The following IQANK1 variants were observed in gnomAD, a reference collection of about 807,000 sequenced individuals.
IQANK1 encodes IQ motif and ankyrin repeat containing 1, also known as IQ motif and ankyrin repeat domain-containing protein 1.
In IQANK1, 30 loss-of-function variants were observed where a neutral mutation model predicts 22.6. The observed-to-expected ratio is 1.33, with a 90% CI of 0.99 to 1.80. IQANK1 has a LOEUF of 1.80. IQANK1 is among the 40% of genes most tolerant of loss of function. The probability of loss-of-function intolerance (pLI) is 0.00; values close to 1 mark genes in which losing one functional copy is unlikely to be tolerated. For synonymous variants in IQANK1, 122 were observed against 99.6 expected (o/e 1.23, Z -1.34); for missense variants, 275 against 235.2 (o/e 1.17, Z -1.11).
chr8:143,759,793 T>C (rs7832943), intron 3 of IQANK1: 13,107 of 152,256 alleles, frequency 0.086, 1,853 homozygotes, highest in African/African-American at 0.3. Flanking sequence ...ACATGCAGAT[T>C]TGAGTTCATT....
At chr8:143,759,126 C>T in intron 3 of IQANK1, 1 of 310,960 alleles carries the variant, frequency 3.2e-6, no homozygotes, top group Non-Finnish European at 6.3e-6. Flanking sequence ...GGTTCTGGAA[C>T]ACCACGATGC....
intron 2 of IQANK1, among the ~76,000 whole-genome samples, chr8:143,738,475 C>T (rs541055862): frequency 5.8e-4 from 88 of 152,298 alleles, no homozygotes; most frequent in African/African-American, 1.9e-3. Context: ...GGCCAGGCCA[C>T]GCCAGGGAGT....
At chr8:143,743,665 AACACC>A (rs1818969007) in intron 3 of IQANK1, among the ~76,000 whole-genome samples, 1 of 152,194 alleles carries the variant, frequency 6.6e-6, no homozygotes, top group Non-Finnish European at 1.5e-5. Context: ...CAGGACATTT[AACACC>A]AGAACACGAA....
At position 143,771,492 on chromosome 8, in the gene IQANK1, G is replaced by C. The variant is rs1161655102; in HGVS notation, c.180G>C (p.Pro60=). 2.5e-6 allele frequency: 1 copy of C among 397,600 alleles called. No homozygotes were observed. Among genetic ancestry groups the C allele is most frequent in the Non-Finnish European group, 4.4e-6 (1 of 225,456 alleles). The allele number at this position is 397,600 out of a possible 1,614,324, so 24.6% of individuals were successfully genotyped here. The change falls in exon 4 of 14, where the codon CCG becomes CCC. Residue 60 remains proline, a synonymous_variant. Coordinates refer to ENST00000527139, the MANE Select transcript of IQANK1 (RefSeq NM_001381874.1). This position sits in a 1 kb window ranked among gnomAD's most constrained non-coding sequence, Gnocchi z 6.0. ...SAESPQAPTG[P]AEDRAARAIQ... is the part of the protein sequence containing the mutation. The stretch of plus-strand genomic sequence containing the variant: ...GTGAGCCTCTCCCCACCCCAGGGCC[G>C]GCCGAGGACCGAGCGGCCAGAGCGA...
chr8:143,771,539 T>A lies in IQANK1; in HGVS notation c.227T>A (p.Leu76His), dbSNP rs1819573467. ...GCGATCCAGGGCGCCTTCCGGCAGC[T>A]CCGGGCCAGGAGGGAGCTCGCCCGC... The part of the protein sequence containing the change: ...ARAIQGAFRQ[L>H]RARRELARRR... The change falls in exon 4 of 14, where the codon CTC becomes CAC. Residue 76 changes from leucine to histidine, a missense_variant. Physicochemically the swap from Leu to His is moderately conservative, Grantham distance 99. Coordinates refer to ENST00000527139, the MANE Select transcript of IQANK1 (RefSeq NM_001381874.1). The surrounding 1 kb of genome is among the most constrained non-coding windows in gnomAD (Gnocchi z 6.0). 5.0e-6 allele frequency: 2 copies of A among 397,894 alleles called. No homozygotes were observed. The highest frequency in any genetic ancestry group is 8.8e-5 in the Admixed American group (2 of 22,682). 24.6% of individuals were successfully genotyped at this position (397,894 alleles called of 1,614,324 possible).
intron 3 of IQANK1, chr8:143,742,412 G>A (rs891879757): frequency 2.2e-6 from 1 of 456,052 alleles, no homozygotes; most frequent in Non-Finnish European, 4.4e-6. Context: ...CCTTTCCTCT[G>A]CATTGGTGCC....
intron 3 of IQANK1, among the ~76,000 whole-genome samples, chr8:143,747,663 G>A (rs1554627353): frequency 1.3e-5 from 2 of 151,282 alleles, no homozygotes; most frequent in African/African-American, 4.9e-5. Context: ...AGAGTATATT[G>A]TTTAATTCCA....
chr8:143,787,306 A>G (rs1305791929), intron 7 of IQANK1, among the ~76,000 whole-genome samples: 1 of 152,172 alleles, frequency 6.6e-6, no homozygotes, highest in Non-Finnish European at 1.5e-5. Flanking sequence ...CAGATAGCAC[A>G]GGGCAGTCCT....
At chr8:143,789,936 G>A (rs1819990880) in intron 11 of IQANK1, 35 bp from the exon 12 acceptor site, 3 of 1,232,000 alleles carry the variant, frequency 2.4e-6, no homozygotes, top group Non-Finnish European at 3.0e-6. Context: ...CCGGCGTCGG[G>A]CTTGCCTGTC....
chr8:143,738,696 C>G (rs2096822380), intron 2 of IQANK1, among the ~76,000 whole-genome samples: 1 of 152,024 alleles, frequency 6.6e-6, no homozygotes, highest in Non-Finnish European at 1.5e-5. Flanking sequence ...CCAATGCCCC[C>G]CGCCCCCGCC....
chr8:143,786,638 G>C (rs782103317), intron 7 of IQANK1, among the ~76,000 whole-genome samples: 10 of 152,158 alleles, frequency 6.6e-5, no homozygotes, highest in Admixed American at 6.5e-4. Context: ...AGCTGTTCTA[G>C]GTCCTTAGGA....
At chr8:143,747,969 T>TTTCCTTTCCTTTCCC in intron 3 of IQANK1, among the ~76,000 whole-genome samples, 1 of 138,714 alleles carries the variant, frequency 7.2e-6, no homozygotes, top group Non-Finnish European at 1.5e-5. Flanking sequence ...TTTCCTTTCC[T>TTTCCTTTCCTTTCCC]TTCCCTTTCC....
At chr8:143,772,526 G>C in intron 7 of IQANK1, 44 bp downstream of exon 7, 1 of 398,384 alleles carries the variant, frequency 2.5e-6, no homozygotes, top group Non-Finnish European at 4.4e-6. Context: ...GTGAGCCCCG[G>C]GAGGTGTGGG....
At chr8:143,736,446 G>A (rs1303746182) in intron 2 of IQANK1, among the ~76,000 whole-genome samples, 1 of 152,130 alleles carries the variant, frequency 6.6e-6, no homozygotes, top group Non-Finnish European at 1.5e-5. Flanking sequence ...GCCCGGCCAA[G>A]CCTGAATCTT....
In IQANK1 at chr8:143,790,227, C is replaced by T. The variant is rs1379997315; in HGVS notation, c.1380C>T (p.Pro460=). ...TNYVDTVNPE[P]LRPETMWLAL... Reference sequence around the variant, plus strand: ...ATGTGGACACGGTGAACCCGGAGCCCCTGAGGCCGGAGACGATGTGGCTGG... The same window carrying T: ...ATGTGGACACGGTGAACCCGGAGCCTCTGAGGCCGGAGACGATGTGGCTGG... The change falls in exon 13 of 14, where the codon CCC becomes CCT. Residue 460 remains proline, a synonymous_variant. Coordinates refer to ENST00000527139, the MANE Select transcript of IQANK1 (RefSeq NM_001381874.1). The T allele has an allele frequency of 8.1e-7, 1 of 1,232,046 alleles. No individual in the cohort carries two copies. The highest frequency in any genetic ancestry group is 1.6e-5 in the African/African-American group (1 of 64,422). 76.3% of individuals were successfully genotyped at this position (1,232,046 alleles called of 1,614,324 possible).
At chr8:143,772,754 G>A (rs1321024975) in intron 7 of IQANK1, among the ~76,000 whole-genome samples, 3 of 152,216 alleles carry the variant, frequency 2.0e-5, no homozygotes, top group African/African-American at 4.8e-5. Context: ...AAGTGGCAGC[G>A]ACTCCCATTT....
At chr8:143,748,139 C>T (rs1554627438) in intron 3 of IQANK1, among the ~76,000 whole-genome samples, 2 of 151,812 alleles carry the variant, frequency 1.3e-5, no homozygotes, top group Non-Finnish European at 2.9e-5. Context: ...GGACTACAGG[C>T]ATACACCACT....
intron 3 of IQANK1, among the ~76,000 whole-genome samples, chr8:143,748,559 T>C: frequency 7.4e-6 from 1 of 134,486 alleles, no homozygotes; most frequent in Non-Finnish European, 1.5e-5. Flanking sequence ...AATATAGATA[T>C]ATATATCATA....
rs1337636938 is a variant in IQANK1 at position 143,758,700 on chromosome 8, C to G, written c.176-12788C>G. The G allele has an allele frequency of 6.6e-6, 1 of 152,282 alleles. No individual in the cohort carries two copies. Among genetic ancestry groups the G allele is most frequent in the Non-Finnish European group, 1.5e-5 (1 of 68,100 alleles). The allele number at this position is 152,282 out of a possible 1,614,324, so 9.4% of individuals were successfully genotyped here. ...ACTGGCAGTGACACCTGGCCCCTGACAAGCCTGAGTCACAGGTCCCTGTGC... is the reference window on the plus strand; with the variant it reads ...ACTGGCAGTGACACCTGGCCCCTGAGAAGCCTGAGTCACAGGTCCCTGTGC... On this transcript the variant is annotated intron_variant, in intron 3 of 13. Transcript: ENST00000527139. The surrounding 1 kb of genome is among the most constrained non-coding windows in gnomAD (Gnocchi z 4.2).
Sources: allele counts gnomAD v4.1 joint callset (sites outside exome capture counted in the v4.1 genomes callset), GRCh38; gene constraint gnomAD v4.1.1; non-coding constraint Gnocchi (gnomAD v3.1); transcripts MANE v1.5; gene names NCBI Gene and HGNC (gene_info 2026-07-23, HGNC 2026-07-21).